GRIK4: variants seen among roughly 807,000 people sequenced by gnomAD.
GRIK4 encodes glutamate ionotropic receptor kainate type subunit 4.
In GRIK4, 40 loss-of-function variants were observed where a neutral mutation model predicts 104.9. The ratio of observed to expected loss-of-function variants is 0.38; its 90% CI spans 0.30 to 0.50. The LOEUF (loss-of-function observed/expected upper bound fraction) is 0.50. GRIK4 is among the 20% of genes least tolerant of loss of function. GRIK4 has a pLI of 0.93. For synonymous variants in GRIK4, 485 were observed against 524.9 expected (o/e 0.92, Z 1.04); for missense variants, 1,047 against 1,308.1 (o/e 0.80, Z 3.08).
At chr11:120,826,732 TCTC>T (rs1217319365) in intron 6 of GRIK4, among the ~76,000 whole-genome samples, 1 of 152,168 alleles carries the variant, frequency 6.6e-6, no homozygotes, top group Non-Finnish European at 1.5e-5. Context: ...CCTCTCTCCC[TCTC>T]CTCTTGCCCT....
intron 1 of GRIK4, among the ~76,000 whole-genome samples, chr11:120,574,793 T>C (rs1948456495): frequency 6.6e-6 from 1 of 152,158 alleles, no homozygotes; most frequent in Admixed American, 6.5e-5. Context: ...GGGAGGCGCT[T>C]TCCTCTGTGT....
intron 14 of GRIK4, among the ~76,000 whole-genome samples, chr11:120,945,624 T>A (rs1943841021): frequency 6.6e-6 from 1 of 152,226 alleles, no homozygotes; most frequent in Admixed American, 6.5e-5. Context: ...AGGGCCAGTA[T>A]TCTAGGCAGC....
intron 3 of GRIK4, among the ~76,000 whole-genome samples, chr11:120,783,289 C>T (rs1022378614): frequency 6.6e-5 from 10 of 152,310 alleles, no homozygotes; most frequent in South Asian, 2.1e-4. Context: ...TGAGAATGTG[C>T]GTGCATCAAA....
intron 11 of GRIK4, among the ~76,000 whole-genome samples, chr11:120,884,410 G>A (rs1224987864): frequency 6.6e-6 from 1 of 152,204 alleles, no homozygotes; most frequent in East Asian, 1.9e-4. Flanking sequence ...AACAAAACGG[G>A]GGTGAGCGAG....
At chr11:120,587,960 C>A (rs1027124731) in intron 1 of GRIK4, among the ~76,000 whole-genome samples, 3 of 152,234 alleles carry the variant, frequency 2.0e-5, no homozygotes, top group Admixed American at 2.0e-4. Flanking sequence ...ATTATTCCAG[C>A]TCTGCAGGGC....
chr11:120,903,033 A>C lies in GRIK4; in HGVS notation c.1273-2257A>C, dbSNP rs186390579. Among the ~76,000 whole-genome samples, 3 of 152,160 alleles carry C rather than the reference A, an allele frequency of 2.0e-5. No individual in the cohort carries two copies. The highest frequency in any genetic ancestry group is 4.4e-5 in the Non-Finnish European group (3 of 67,990). On this transcript the variant is annotated intron_variant, in intron 12 of 20. Transcript: ENST00000527524. This position sits in a 1 kb window ranked among gnomAD's most constrained non-coding sequence, Gnocchi z 4.4. ...TCCTGCTCTCCCTCACAGTCCCTCCATGACCTTGTGTCTGTCTGGCCCTCC... is the reference window on the plus strand; with the variant it reads ...TCCTGCTCTCCCTCACAGTCCCTCCCTGACCTTGTGTCTGTCTGGCCCTCC...
In GRIK4 at chr11:120,836,787, G is replaced by T. The variant is rs1411243079; in HGVS notation, c.691-4G>T. 1.2e-6 allele frequency: 2 copies of T among 1,600,496 alleles called. No individual in the cohort carries two copies. Among genetic ancestry groups the T allele is most frequent in the Non-Finnish European group, 1.7e-6 (2 of 1,167,624 alleles). On this transcript the variant is annotated splice_polypyrimidine_tract_variant and splice_region_variant and intron_variant, in intron 7 of 20. Transcript: ENST00000527524. Reference sequence around the variant, plus strand: ...TCTCTAATCTCCTTCTCTTCGCCTTGCAGGCAGCCGAACTTGGGATGGTGT... The same window carrying T: ...TCTCTAATCTCCTTCTCTTCGCCTTTCAGGCAGCCGAACTTGGGATGGTGT...
At chr11:120,870,635 G>A (rs1954580735) in intron 9 of GRIK4, 1 of 152,204 alleles carries the variant, frequency 6.6e-6, no homozygotes, top group Admixed American at 6.5e-5. Context: ...TGGACAAAGG[G>A]TACTGGGCCT....
rs528634936 is a variant in GRIK4, at chr11:120,614,470, G to T, written c.-158-39215G>T. 1.9e-4 allele frequency among the ~76,000 whole-genome samples: 29 copies of T among 152,282 alleles called. No individual in the cohort carries two copies. In the South Asian group the frequency reaches 6.0e-3, roughly 32 times the overall value. On this transcript the variant is annotated intron_variant, in intron 1 of 20. Coordinates refer to ENST00000527524, the MANE Select transcript of GRIK4 (RefSeq NM_014619.5). ...CAGAAAGTTCTTGGATGAGACAGAG[G>T]TGCCTGCATCTGGAGGCCCCCGGAT...
At chr11:120,915,510 C>G (rs963133406) in intron 13 of GRIK4, among the ~76,000 whole-genome samples, 2 of 152,108 alleles carry the variant, frequency 1.3e-5, no homozygotes, top group Non-Finnish European at 2.9e-5. Context: ...GTGAGGTGCG[C>G]ACACCCCAGA....
rs1660555325 is a variant in GRIK4, at chr11:120,985,952, T to C, written c.2563T>C (p.Cys855Arg). 1 of 1,546,740 alleles carries C rather than the reference T, an allele frequency of 6.5e-7. No homozygotes were observed. Among genetic ancestry groups the C allele is most frequent in the Non-Finnish European group, 8.7e-7 (1 of 1,145,512 alleles). The change falls in exon 21 of 21, where the codon TGT (cysteine) becomes CGT (arginine). Residue 855 changes from cysteine (C) to arginine (R), a missense_variant. Around this residue, in one of 3 missense-constraint regions of GRIK4, gnomAD observed 440 missense variants for 652.3 expected, o/e 0.67. Coordinates refer to ENST00000527524, the MANE Select transcript of GRIK4 (RefSeq NM_014619.5). ...GACCGAGCTGCGCAGCATTATCCTG[T>C]GTCAGGACAGTATCCACCCCCGCCG... ...MVTELRSIIL[C>R]QDSIHPRRRR...
chr11:120,555,669 G>T lies in GRIK4; in HGVS notation c.-159+43782G>T, dbSNP rs1948179633. Among the ~76,000 whole-genome samples, 1 of 152,168 alleles carries T rather than the reference G, an allele frequency of 6.6e-6. No individual in the cohort carries two copies. The highest frequency in any genetic ancestry group is 1.5e-5 in the Non-Finnish European group (1 of 68,028). On this transcript the variant is annotated intron_variant, in intron 1 of 20. Transcript: ENST00000527524. This position sits in a 1 kb window ranked among gnomAD's most constrained non-coding sequence, Gnocchi z 5.3. ...GCCCAGGTGGTGAGGTGGAGGAGGGGCAGAGGGGAGGTCTGCCCTCCTTCT... is the reference window on the plus strand; with the variant it reads ...GCCCAGGTGGTGAGGTGGAGGAGGGTCAGAGGGGAGGTCTGCCCTCCTTCT...
chr11:120,706,746 G>C (rs1323733217), intron 3 of GRIK4, among the ~76,000 whole-genome samples: 1 of 152,234 alleles, frequency 6.6e-6, no homozygotes, highest in Non-Finnish European at 1.5e-5. Context: ...GTATGACCAA[G>C]ACCAAGCTGT....
At chr11:120,766,208 G>A (rs779011771) in intron 3 of GRIK4, among the ~76,000 whole-genome samples, 4 of 152,228 alleles carry the variant, frequency 2.6e-5, no homozygotes, top group Non-Finnish European at 5.9e-5. Flanking sequence ...GCGCTGTGGT[G>A]TGCTCCACCC....
chr11:120,956,984 A>AG lies in GRIK4; in HGVS notation c.1874+33dup. 6.4e-7 allele frequency: 1 copy of AG among 1,550,774 alleles called. No individual in the cohort carries two copies. The highest frequency in any genetic ancestry group is 8.7e-7 in the Non-Finnish European group (1 of 1,146,942). ...GCCCCAGGCAGAGGTGAACCAGGCC[A>AG]GGTGGGGTGGGGACACAAAAGGGGC... On this transcript the variant is annotated intron_variant, in intron 16 of 20. Coordinates refer to ENST00000527524, the MANE Select transcript of GRIK4 (RefSeq NM_014619.5). This position sits in a 1 kb window ranked among gnomAD's most constrained non-coding sequence, Gnocchi z 4.6.
At chr11:120,845,864 A>G (rs1385402145) in intron 8 of GRIK4, among the ~76,000 whole-genome samples, 1 of 152,236 alleles carries the variant, frequency 6.6e-6, no homozygotes, top group Non-Finnish European at 1.5e-5. Context: ...GTGCAACTAG[A>G]AAAAAGAGTG....
At chr11:120,575,917 C>T (rs1948477624) in intron 1 of GRIK4, 1 of 151,526 alleles carries the variant, frequency 6.6e-6, no homozygotes, top group South Asian at 2.1e-4. Context: ...GAGTTATGAT[C>T]ATACCACTAA....
At chr11:120,709,460 C>T (rs912272660) in intron 3 of GRIK4, among the ~76,000 whole-genome samples, 8 of 152,182 alleles carry the variant, frequency 5.3e-5, no homozygotes, top group Non-Finnish European at 1.0e-4. Context: ...GTTCAGTTCC[C>T]CAGCCCTTCT....
chr11:120,652,960 G>A (rs1188863220), intron 1 of GRIK4, among the ~76,000 whole-genome samples: 3 of 152,220 alleles, frequency 2.0e-5, no homozygotes, highest in Non-Finnish European at 4.4e-5. Context: ...ACTGGCTGCT[G>A]CTCATGAATC....
Sources: allele counts gnomAD v4.1 joint callset (sites outside exome capture counted in the v4.1 genomes callset), GRCh38; gene constraint gnomAD v4.1.1; regional missense constraint gnomAD v4.1.1; non-coding constraint Gnocchi (gnomAD v3.1); transcripts MANE v1.5; gene names NCBI Gene and HGNC (gene_info 2026-07-23, HGNC 2026-07-21).